TTLL6: variants seen among roughly 807,000 people sequenced by gnomAD.
TTLL6 encodes tubulin tyrosine ligase like 6, also known as tubulin polyglutamylase TTLL6.
A neutral mutation model predicts 96.4 loss-of-function variants in TTLL6; 75 were observed. The observed-to-expected ratio is 0.78, with a 90% CI of 0.65 to 0.94. TTLL6 has a LOEUF of 0.94. Ranked by LOEUF, TTLL6 falls within the 40% of genes least tolerant of loss-of-function variation. The probability of loss-of-function intolerance (pLI) is 0.00; values close to 1 mark genes in which losing one functional copy is unlikely to be tolerated. For synonymous variants in TTLL6, 411 were observed against 419.4 expected, an observed-to-expected ratio of 0.98 and a Z score of 0.24; for missense variants, 1,030 against 1,093.0, an observed-to-expected ratio of 0.94 and a Z score of 0.81.
intron 13 of TTLL6, among the ~76,000 whole-genome samples, chr17:48,782,272 G>C (rs1307226519): frequency 6.6e-6 from 1 of 151,710 alleles, no homozygotes; most frequent in East Asian, 1.9e-4. Flanking sequence ...CGCCTGGCTA[G>C]GTTTTGTATT....
rs968978227 is a variant in TTLL6, at chr17:48,769,392, C to T, written c.2411-138G>A. 29 of 1,071,748 alleles carry T rather than the reference C, an allele frequency of 2.7e-5. No homozygotes were observed. The African/African-American group carries it at 3.5e-4, about 13-fold the overall frequency. The allele number at this position is 1,071,748 out of a possible 1,614,324, so 66.4% of individuals were successfully genotyped here. A position where few individuals can be genotyped will look rare whatever the true frequency, so the allele number is the denominator to read the frequency against. On this transcript the variant is annotated intron_variant, in intron 14 of 15. Transcript: ENST00000393382. ...CTCTTTGAGCCAGAATCAGCCATTG[C>T]TCCTTTTCTCCAAATAGTTTTTCTT...
chr17:48,787,373 T>C (rs915136879), intron 11 of TTLL6, among the ~76,000 whole-genome samples: 1 of 152,148 alleles, frequency 6.6e-6, no homozygotes, highest in Non-Finnish European at 1.5e-5. Flanking sequence ...CCAGGGCAGA[T>C]GTTCATCTGG....
chr17:48,812,084 C>T (rs1334782347), intron 1 of TTLL6: 4 of 128,484 alleles, frequency 3.1e-5, no homozygotes, highest in African/African-American at 1.2e-4. Flanking sequence ...CCACCCCCCG[C>T]TCAGACTTTT....
chr17:48,775,288 T>C (rs1170331433), intron 13 of TTLL6, among the ~76,000 whole-genome samples: 4 of 151,932 alleles, frequency 2.6e-5, no homozygotes, highest in Non-Finnish European at 4.4e-5. Context: ...TAGACCAGTA[T>C]CTTTTATGAA....
At chr17:48,768,959 A>C (rs771267103) in intron 15 of TTLL6, 30 bp downstream of exon 15, 4 of 1,600,758 alleles carry the variant, frequency 2.5e-6, no homozygotes, top group Non-Finnish European at 3.4e-6. Flanking sequence ...CAACGCACCA[A>C]ATTCATTAAG....
At chr17:48,794,347 G>A (rs1003351785) in intron 8 of TTLL6, 20 of 1,574,368 alleles carry the variant, frequency 1.3e-5, no homozygotes, top group South Asian at 5.7e-5. Context: ...CAGTAACCAC[G>A]CACACTGTCT....
intron 1 of TTLL6, among the ~76,000 whole-genome samples, chr17:48,809,375 A>AG (rs2039548161): frequency 6.6e-6 from 1 of 152,154 alleles, no homozygotes; most frequent in Admixed American, 6.5e-5. Flanking sequence ...CCACTCCCCT[A>AG]GCCCTCCGCA....
At chr17:48,804,075 A>T in intron 2 of TTLL6, 147 bp from the exon 3 acceptor site, 1 of 818,514 alleles carries the variant, frequency 1.2e-6, no homozygotes, top group Non-Finnish European at 2.0e-6. Flanking sequence ...CCTGTTGCTG[A>T]GGACACGAGT....
At chr17:48,816,324 G>C (rs1339230894) in intron 1 of TTLL6, among the ~76,000 whole-genome samples, 2 of 118,572 alleles carry the variant, frequency 1.7e-5, no homozygotes, top group Non-Finnish European at 3.4e-5. Context: ...ATAATAATAA[G>C]ATTGGCATAA....
chr17:48,769,354 C>T (rs2038685347), intron 14 of TTLL6, 100 bp from the exon 15 acceptor site: 3 of 1,392,496 alleles, frequency 2.2e-6, no homozygotes, highest in Non-Finnish European at 2.9e-6. Context: ...TGGCCTGTAA[C>T]TGCCATTCAA....
intron 2 of TTLL6, 28 bp from the exon 3 acceptor site, chr17:48,803,956 G>A (rs1257495200): frequency 6.4e-7 from 1 of 1,550,896 alleles, no homozygotes; most frequent in African/African-American, 1.4e-5. Context: ...AAGGAAAGCA[G>A]CAAGACAGAG....
intron 6 of TTLL6, among the ~76,000 whole-genome samples, chr17:48,799,356 G>A (rs554683103): frequency 1.1e-4 from 17 of 152,336 alleles, no homozygotes; most frequent in Middle Eastern, 3.4e-3. Flanking sequence ...GCCCTAATGT[G>A]TTACAGGAAA....
chr17:48,769,812 G>A lies in TTLL6; in HGVS notation c.2326C>T (p.Leu776=), dbSNP rs781055464. Residue 776 remains leucine, a synonymous_variant, in exon 14 of 16, where the codon CTA becomes TTA. Transcript: ENST00000393382. ...CCACTCAGTTGAAGCTTGGTGAGTA[G>A]CTCGGATATCAAATGTGGCTTGTTC... The part of the protein sequence containing the change: ...DMNKPHLISE[L]LTKLQLSGKL... The A allele has an allele frequency of 6.8e-6, 11 of 1,614,126 alleles. No homozygotes were observed. In the South Asian group the frequency reaches 1.2e-4, roughly 18 times the overall value.
intron 9 of TTLL6, 79 bp downstream of exon 9, chr17:48,791,299 G>T: frequency 7.8e-7 from 1 of 1,279,802 alleles, no homozygotes; most frequent in Non-Finnish European, 1.1e-6. Context: ...ATTTAGGTGA[G>T]CCAGGAGGGC....
intron 15 of TTLL6, among the ~76,000 whole-genome samples, chr17:48,766,536 T>A (rs1434782235): frequency 1.3e-5 from 2 of 152,190 alleles, no homozygotes; most frequent in Non-Finnish European, 1.5e-5. Context: ...GAATACAAGT[T>A]TTCATTGTAA....
intron 3 of TTLL6, among the ~76,000 whole-genome samples, chr17:48,802,099 AAAG>A (rs1425684616): frequency 3.2e-5 from 2 of 62,220 alleles, no homozygotes; most frequent in Admixed American, 1.9e-4. Context: ...AGAAAGAAAG[AAAG>A]AAAGAAAGAA....
chr17:48,784,888 C>T, intron 13 of TTLL6, 35 bp downstream of exon 13: 1 of 1,581,858 alleles, frequency 6.3e-7, no homozygotes, highest in Admixed American at 1.7e-5. Flanking sequence ...GCAAGACTCC[C>T]ACCACTCCCT....
At position 48,770,167 on chromosome 17, in the gene TTLL6, TA is replaced by T; in HGVS notation, c.2041-71del. 1.1e-5 allele frequency: 16 copies of T among 1,501,558 alleles called. No individual in the cohort carries two copies. The African/African-American group carries it at 1.4e-4, about 13-fold the overall frequency. 93.0% of individuals were successfully genotyped at this position (1,501,558 alleles called of 1,614,324 possible). ...GTTCCTTCCTATGCTATTTTTTTTT[TA>T]TTTTTATTTTTTGAGACAAGGTCTT... On this transcript the variant is annotated intron_variant, in intron 13 of 15. Transcript: ENST00000393382.
chr17:48,783,457 A>C (rs570851951), intron 13 of TTLL6, among the ~76,000 whole-genome samples: 1 of 150,864 alleles, frequency 6.6e-6, no homozygotes, highest in East Asian at 1.9e-4. Context: ...TTTTAGATAG[A>C]GTCTCACTCT....
Sources: gnomAD v4.1 joint callset for allele counts (sites outside exome capture counted in the v4.1 genomes callset) on GRCh38, gnomAD v4.1.1 for gene constraint, MANE v1.5 for transcripts, NCBI Gene and HGNC (gene_info 2026-07-23, HGNC 2026-07-21) for gene names.